The following P4HA2 variants were observed in gnomAD, a reference collection of about 807,000 sequenced individuals.
P4HA2 encodes the protein prolyl 4-hydroxylase subunit alpha 2, also known as prolyl 4-hydroxylase subunit alpha-2.
P4HA2 carries 46 observed loss-of-function variants against 76.9 expected under a neutral mutation model. The observed-to-expected ratio is 0.60, with a 90% CI of 0.47 to 0.76. The LOEUF (loss-of-function observed/expected upper bound fraction) is 0.76. Ranked by LOEUF, P4HA2 falls within the 30% of genes least tolerant of loss-of-function variation. The pLI, the probability that P4HA2 is intolerant of heterozygous loss-of-function variation, is 0.00. For synonymous variants in P4HA2, 243 were observed against 254.0 expected (o/e 0.96, Z 0.41); for missense variants, 583 against 669.4 (o/e 0.87, Z 1.42).
chr5:132,197,073 C>A (rs1448179065), intron 12 of P4HA2, among the ~76,000 whole-genome samples: 1 of 152,130 alleles, frequency 6.6e-6, no homozygotes, highest in African/African-American at 2.4e-5. Flanking sequence ...TGCCTCTATG[C>A]CTCTTTAGAG....
chr5:132,213,744 G>A (rs1306346822), intron 5 of P4HA2, among the ~76,000 whole-genome samples, 172 bp downstream of exon 5: 3 of 152,154 alleles, frequency 2.0e-5, no homozygotes, highest in Non-Finnish European at 4.4e-5. Flanking sequence ...GGCAGGGCAG[G>A]GGCTGAGGGA....
intron 9 of P4HA2, 87 bp from the exon 10 acceptor site, chr5:132,203,934 G>C: frequency 8.5e-7 from 1 of 1,181,192 alleles, no homozygotes; most frequent in Non-Finnish European, 1.3e-6. Context: ...GTCAGGGCCA[G>C]CATGAACAGG....
rs773610055 is a variant in P4HA2, at chr5:132,203,809, C to T, written c.1190G>A (p.Arg397Gln). 2.5e-6 allele frequency: 4 copies of T among 1,613,764 alleles called. No homozygotes were observed. The highest frequency in any genetic ancestry group is 3.4e-6 in the Non-Finnish European group (4 of 1,179,760). The change falls in exon 10 of 15, where the codon CGA becomes CAA. Residue 397 changes from arginine to glutamine, a missense_variant. Coordinates refer to ENST00000360568, the MANE Select transcript of P4HA2 (RefSeq NM_001017974.2). ...GATATGCTGCATCCGACGATTTACT[C>T]GGGCCACAACAGGGTCATCATCTTC... is the stretch of plus-strand genomic sequence containing the variant. ...LEEDDDPVVA[R>Q]VNRRMQHITG...
In P4HA2 at chr5:132,210,309, C is replaced by T. The variant is rs749593937; in HGVS notation, c.684G>A (p.Glu228=). 1.1e-5 allele frequency: 18 copies of T among 1,614,048 alleles called. No individual in the cohort carries two copies. Among genetic ancestry groups the T allele is most frequent in the Admixed American group, 1.7e-5 (1 of 60,002 alleles). The change falls in exon 6 of 15, where the codon GAG becomes GAA. Residue 228 remains glutamate (E), a synonymous_variant. Transcript: ENST00000360568. ...FQLGDLHRAL[E]LTRRLLSLDP... ...CAAGGGAGAGCAGGCGGCGGGTGAG[C>T]TCCAGGGCACGGTGCAGATCACCCA...
At chr5:132,219,896 C>T (rs1439592810) in intron 1 of P4HA2, among the ~76,000 whole-genome samples, 1 of 152,148 alleles carries the variant, frequency 6.6e-6, no homozygotes, top group Non-Finnish European at 1.5e-5. Flanking sequence ...CCAACCACAA[C>T]TCCCATCTGC....
chr5:132,217,534 AC>A, intron 3 of P4HA2, 186 bp from the exon 4 acceptor site: 2 of 644,270 alleles, frequency 3.1e-6, no homozygotes, highest in South Asian at 1.9e-5. Context: ...AACAGCTGGG[AC>A]CCCCAATGTA....
intron 1 of P4HA2, 167 bp from the exon 2 acceptor site, chr5:132,218,811 G>C (rs1382752505): frequency 3.6e-6 from 2 of 550,092 alleles, no homozygotes; most frequent in East Asian, 3.2e-5. Flanking sequence ...AACAAAGAGC[G>C]TGCAGCCAGT....
intron 1 of P4HA2, among the ~76,000 whole-genome samples, chr5:132,226,127 C>T (rs1483903431): frequency 6.6e-6 from 1 of 152,162 alleles, no homozygotes; most frequent in Non-Finnish European, 1.5e-5. Context: ...AGTTTAAGTA[C>T]AAGCCAAAGG....
At chr5:132,222,709 G>A (rs1017868363) in intron 1 of P4HA2, among the ~76,000 whole-genome samples, 5 of 152,104 alleles carry the variant, frequency 3.3e-5, no homozygotes, top group Admixed American at 6.5e-5. Context: ...TCTCCTTCAC[G>A]AAGAACCTAA....
At position 132,194,954 on chromosome 5, in the gene P4HA2, G is replaced by A; in HGVS notation, c.1503C>T (p.Ala501=). Residue 501 remains alanine (A), a synonymous_variant, in exon 14 of 15, where the codon GCC becomes GCT. Coordinates refer to ENST00000360568, the MANE Select transcript of P4HA2 (RefSeq NM_001017974.2). The stretch of plus-strand genomic sequence containing the variant: ...ACTTGCAGCCCACAAGCACAGGGCA[G>A]GCAGCATGTCTTGTTCGGTAGTCAC... ...GEGDYRTRHA[A]CPVLVGCKWV... is the part of the protein sequence containing the mutation. 1 of 1,613,334 alleles carries A rather than the reference G, an allele frequency of 6.2e-7. No homozygotes were observed. The highest frequency in any genetic ancestry group is 8.5e-7 in the Non-Finnish European group (1 of 1,179,262).
Position 132,193,035 on chromosome 5 carries a change from G to A in P4HA2, c.1577C>T (p.Pro526Leu). 6.2e-7 allele frequency: 1 copy of A among 1,612,214 alleles called. No individual in the cohort carries two copies. The highest frequency in any genetic ancestry group is 8.5e-7 in the Non-Finnish European group (1 of 1,178,220). The change falls in exon 15 of 15, where the codon CCT becomes CTT. Residue 526 changes from proline to leucine, a missense_variant. By Grantham distance (98) the Pro-to-Leu change is moderately conservative. Coordinates refer to ENST00000360568, the MANE Select transcript of P4HA2 (RefSeq NM_001017974.2). ...FHERGQEFLR[P>L]CGSTEVD ...TCAGTCAACTTCTGTTGATCCACAA[G>A]GTCTCAAGAACTCCTGTCCTCGTTC... is the stretch of plus-strand genomic sequence containing the variant.
chr5:132,217,446 G>T (rs1277850919), intron 3 of P4HA2, 98 bp from the exon 4 acceptor site: 2 of 1,195,172 alleles, frequency 1.7e-6, no homozygotes, highest in African/African-American at 3.0e-5. Flanking sequence ...GCCAGGTTCT[G>T]GGGCCCTTTT....
At chr5:132,206,162 T>TAC (rs1372853479) in intron 8 of P4HA2, among the ~76,000 whole-genome samples, 1 of 152,180 alleles carries the variant, frequency 6.6e-6, no homozygotes, top group Admixed American at 6.5e-5. Flanking sequence ...CACACATGTG[T>TAC]ACACATATGC....
chr5:132,198,787 T>C (rs1751063429), intron 11 of P4HA2, 92 bp downstream of exon 11: 1 of 874,572 alleles, frequency 1.1e-6, no homozygotes, highest in Non-Finnish European at 2.0e-6. Flanking sequence ...GTGGGGGTAC[T>C]GATGTGGAGG....
At chr5:132,201,112 TG>T (rs1156436964) in intron 10 of P4HA2, 1 of 151,378 alleles carries the variant, frequency 6.6e-6, no homozygotes, top group African/African-American at 2.4e-5. Flanking sequence ...ATTGTAAGAG[TG>T]GGGTCAGTTA....
chr5:132,210,611 G>A (rs188850368), intron 5 of P4HA2, 88 bp from the exon 6 acceptor site: 207 of 1,330,420 alleles, frequency 1.6e-4, no homozygotes, highest in Middle Eastern at 7.3e-4. Context: ...CTGAGCCACT[G>A]GATAGGGGGC....
In P4HA2 at chr5:132,213,982, C is replaced by A; in HGVS notation, c.403G>T (p.Ala135Ser). ...TDEDEIGAAKALMRLQDTYRL... is the reference protein window; with the variant it reads ...TDEDEIGAAKSLMRLQDTYRL... ...TATGTGTCCTGAAGTCTCATCAGGGCTTTGGCAGCTCCTATCTCGTCCTCA... is the reference window on the plus strand; with the variant it reads ...TATGTGTCCTGAAGTCTCATCAGGGATTTGGCAGCTCCTATCTCGTCCTCA... The change falls in exon 5 of 15, where the codon GCC becomes TCC. Residue 135 changes from alanine (A) to serine (S), a missense_variant. By Grantham distance (99) the Ala-to-Ser change is moderately conservative. Transcript: ENST00000360568. 1 of 1,614,168 alleles carries A rather than the reference C, an allele frequency of 6.2e-7. No individual in the cohort carries two copies. The highest frequency in any genetic ancestry group is 1.3e-5 in the African/African-American group (1 of 75,064).
At chr5:132,222,335 T>C (rs888510498) in intron 1 of P4HA2, among the ~76,000 whole-genome samples, 2 of 152,086 alleles carry the variant, frequency 1.3e-5, no homozygotes, top group Admixed American at 1.3e-4. Context: ...CACATGGATG[T>C]CCATTCAGGC....
intron 2 of P4HA2, 141 bp from the exon 3 acceptor site, chr5:132,217,989 G>T: frequency 3.5e-6 from 2 of 577,788 alleles, no homozygotes; most frequent in South Asian, 4.8e-5. Flanking sequence ...TGGGGACTTG[G>T]AGTTAAAGGG....
Sources: gnomAD v4.1 joint callset for allele counts (sites outside exome capture counted in the v4.1 genomes callset) on GRCh38, gnomAD v4.1.1 for gene constraint, MANE v1.5 for transcripts, NCBI Gene and HGNC (gene_info 2026-07-23, HGNC 2026-07-21) for gene names.